Variants in CSMD3 observed in about 807,000 individuals in gnomAD.
CSMD3 encodes CUB and Sushi multiple domains 3.
In CSMD3, 177 loss-of-function variants were observed where a neutral mutation model predicts 435.2. The observed-to-expected ratio is 0.41, with a 90% confidence interval of 0.36 to 0.46. The LOEUF is 0.46. Among genes scored for constraint, CSMD3 ranks in the 20% least tolerant of loss-of-function variants. The pLI is 0.34. For missense variants in CSMD3, 4,265 were observed against 4,504.6 expected (o/e 0.95, Z 1.52); for synonymous variants, 1,656 against 1,520.5 (o/e 1.09, Z -2.07).
chr8:112,647,659 A>G (rs937847430), intron 19 of CSMD3, among the ~76,000 whole-genome samples: 3 of 152,020 alleles, frequency 2.0e-5, no homozygotes, highest in African/African-American at 7.2e-5. Context: ...ATCCTTGTCT[A>G]TGTTCTTTAA....
At chr8:113,263,356 ATAAC>A (rs2093442428) in intron 3 of CSMD3, among the ~76,000 whole-genome samples, 1 of 152,046 alleles carries the variant, frequency 6.6e-6, no homozygotes, top group Non-Finnish European at 1.5e-5. Context: ...AAAAAGAACA[ATAAC>A]TAATCAATAT....
intron 31 of CSMD3, among the ~76,000 whole-genome samples, chr8:112,477,748 G>A (rs1266307721): frequency 2.0e-5 from 3 of 152,106 alleles, no homozygotes; most frequent in Non-Finnish European, 4.4e-5. Flanking sequence ...GAAAATCCAC[G>A]AGCCAATTAA....
chr8:112,262,427 C>A (rs992384582), intron 61 of CSMD3, among the ~76,000 whole-genome samples: 2 of 152,012 alleles, frequency 1.3e-5, no homozygotes, highest in African/African-American at 4.8e-5. Context: ...AAAAAAAATT[C>A]TCTGCTTTCA....
At chr8:112,268,697 C>T (rs1026901796) in intron 59 of CSMD3, among the ~76,000 whole-genome samples, 3 of 152,142 alleles carry the variant, frequency 2.0e-5, no homozygotes, top group East Asian at 1.9e-4. Flanking sequence ...AATGCAGCAA[C>T]GAAAATGCTT....
intron 9 of CSMD3, among the ~76,000 whole-genome samples, chr8:112,944,047 G>A (rs2083530484): frequency 6.6e-6 from 1 of 151,424 alleles, no homozygotes; most frequent in Admixed American, 6.6e-5. Context: ...ATCTCAAAAG[G>A]GCACTCAAAT....
At chr8:112,957,673 A>G (rs1334231533) in intron 7 of CSMD3, among the ~76,000 whole-genome samples, 1 of 145,888 alleles carries the variant, frequency 6.9e-6, no homozygotes, top group African/African-American at 2.6e-5. Flanking sequence ...CTGGTCTCAA[A>G]CTCCTGTCAG....
intron 12 of CSMD3, among the ~76,000 whole-genome samples, chr8:112,821,579 T>A (rs973426799): frequency 2.0e-5 from 3 of 152,166 alleles, no homozygotes; most frequent in Admixed American, 6.6e-5. Flanking sequence ...GATTGTAAAC[T>A]TTTTTCCCAT....
chr8:112,968,854 C>T (rs989487627), intron 7 of CSMD3, among the ~76,000 whole-genome samples: 1 of 151,934 alleles, frequency 6.6e-6, no homozygotes, highest in South Asian at 2.1e-4. Flanking sequence ...ATTTACATGA[C>T]TACTCATAAA....
chr8:112,740,368 G>A (rs777093463), intron 13 of CSMD3, among the ~76,000 whole-genome samples: 1 of 140,114 alleles, frequency 7.1e-6, no homozygotes, highest in African/African-American at 2.5e-5. Flanking sequence ...GATCTTTTTT[G>A]TGTTTTTTTC....
At chr8:112,253,555 T>A (rs966641461) in intron 63 of CSMD3, among the ~76,000 whole-genome samples, 1 of 151,938 alleles carries the variant, frequency 6.6e-6, no homozygotes, top group Non-Finnish European at 1.5e-5. Flanking sequence ...CACAGGGCAA[T>A]TGGGTAATGT....
rs1207782793 is a variant in CSMD3 at position 112,682,547 on chromosome 8, C to T, written c.2572G>A (p.Val858Ile). Residue 858 changes from valine to isoleucine, a missense_variant, in exon 16 of 71, where the codon GTT becomes ATT. This residue lies in a region of CSMD3 where 279 missense variants were observed against 369.0 expected (regional missense o/e 0.76). Transcript: ENST00000297405. ...TTAATAAATCCTTCTTCACAAATAA[C>T]TGAAATTGAACTTCCTAATTGAAAG... ...DNFQLGSSISVICEEGFIKTQ... is the reference protein window; with the variant it reads ...DNFQLGSSISIICEEGFIKTQ... 3 of 1,613,536 alleles carry T rather than the reference C, an allele frequency of 1.9e-6. No homozygotes were observed. In the African/African-American group the frequency reaches 4.0e-5, roughly 22 times the overall value.
chr8:113,302,568 T>C, intron 2 of CSMD3, among the ~76,000 whole-genome samples: 1 of 151,896 alleles, frequency 6.6e-6, no homozygotes, highest in Middle Eastern at 3.4e-3. Context: ...ATTTTGTTAC[T>C]AAAAACATTT....
Position 113,173,085 on chromosome 8 carries a change from T to C in CSMD3, c.709+637A>G, listed in dbSNP as rs149305115. Among the ~76,000 whole-genome samples, 4 of 152,286 alleles carry C rather than the reference T, an allele frequency of 2.6e-5. No individual in the cohort carries two copies. In the East Asian group the frequency reaches 5.8e-4, roughly 22 times the overall value. ...AGAAAGATTTAGACTCAGTCAATAT[T>C]TCTTAAAGCAAAACAATTTTGACAG... On this transcript the variant is annotated intron_variant, in intron 4 of 70. Transcript: ENST00000297405.
chr8:112,314,008 A>T lies in CSMD3; in HGVS notation c.7594T>A (p.Tyr2532Asn), dbSNP rs2130831758. Residue 2532 changes from tyrosine to asparagine, a missense_variant, in exon 49 of 71, where the codon TAT becomes AAT. Around this residue, in one of 3 missense-constraint regions of CSMD3, gnomAD observed 3,255 missense variants for 3,380.2 expected, o/e 0.96. Transcript: ENST00000297405. Reference sequence around the variant, plus strand: ...CTTGTTATATTAAAAGCAGATGAATAATCCCCACTGAGGGAAATAAGCACT... The same window carrying T: ...CTTGTTATATTAAAAGCAGATGAATTATCCCCACTGAGGGAAATAAGCACT... ...SPVLISLSGD[Y>N]SSAFNITSNG... 6.2e-7 allele frequency: 1 copy of T among 1,610,846 alleles called. No homozygotes were observed. Among genetic ancestry groups the T allele is most frequent in the Non-Finnish European group, 8.5e-7 (1 of 1,177,386 alleles).
At chr8:112,720,276 A>C (rs1486914409) in intron 13 of CSMD3, among the ~76,000 whole-genome samples, 1 of 151,956 alleles carries the variant, frequency 6.6e-6, no homozygotes, top group Non-Finnish European at 1.5e-5. Flanking sequence ...TTTGGTTTAA[A>C]TCCCTTTCTG....
At chr8:112,854,458 T>C (rs2080588889) in intron 11 of CSMD3, among the ~76,000 whole-genome samples, 1 of 152,138 alleles carries the variant, frequency 6.6e-6, no homozygotes, top group Non-Finnish European at 1.5e-5. Context: ...TGGAGGGAGA[T>C]GGCAATTGAT....
chr8:112,597,547 A>G (rs1227773255), intron 22 of CSMD3, among the ~76,000 whole-genome samples: 5 of 120,768 alleles, frequency 4.1e-5, no homozygotes, highest in Admixed American at 8.3e-5. Context: ...TACCAAAGCC[A>G]GGCAGAGACA....
At chr8:112,935,170 C>T (rs928244758) in intron 9 of CSMD3, among the ~76,000 whole-genome samples, 8 of 152,022 alleles carry the variant, frequency 5.3e-5, no homozygotes, top group East Asian at 3.9e-4. Context: ...TTTCTTACGG[C>T]GTGTTCTTGG....
At chr8:113,341,574 T>C (rs1415268857) in intron 1 of CSMD3, among the ~76,000 whole-genome samples, 3 of 152,144 alleles carry the variant, frequency 2.0e-5, no homozygotes, top group Non-Finnish European at 4.4e-5. Flanking sequence ...ACAAGTAGTT[T>C]ATAAATATAT....
Sources: allele counts gnomAD v4.1 joint callset (sites outside exome capture counted in the v4.1 genomes callset), GRCh38; gene constraint gnomAD v4.1.1; regional missense constraint gnomAD v4.1.1; transcripts MANE v1.5; gene names NCBI Gene and HGNC (gene_info 2026-07-23, HGNC 2026-07-21).